Variants in PCDH15 observed in about 807,000 individuals in gnomAD.
The protein encoded by PCDH15 is protocadherin-15.
A neutral mutation model predicts 178.5 loss-of-function variants in PCDH15; 129 were observed. The observed-to-expected ratio is 0.72, with a 90% CI of 0.63 to 0.84. The LOEUF (loss-of-function observed/expected upper bound fraction) is 0.84. Among genes scored for constraint, PCDH15 ranks in the 40% least tolerant of loss-of-function variants. PCDH15 has a pLI of 0.00. For synonymous variants in PCDH15, 800 were observed against 732.0 expected (o/e 1.09, Z -1.50); for missense variants, 2,230 against 2,099.9 (o/e 1.06, Z -1.21).
At chr10:53,986,312 C>T (rs929150593) in intron 21 of PCDH15, among the ~76,000 whole-genome samples, 10 of 152,212 alleles carry the variant, frequency 6.6e-5, no homozygotes, top group African/African-American at 2.4e-4. Flanking sequence ...TTATTTAAAA[C>T]AAATTTTTTT....
intron 1 of PCDH15, among the ~76,000 whole-genome samples, chr10:55,283,632 G>T (rs1423581358): frequency 6.6e-6 from 1 of 150,388 alleles, no homozygotes; most frequent in Non-Finnish European, 1.5e-5. Flanking sequence ...TTTCTATCCA[G>T]TCACTATTAA....
intron 9 of PCDH15, among the ~76,000 whole-genome samples, chr10:54,218,944 G>C (rs2052408694): frequency 6.6e-6 from 1 of 151,900 alleles, no homozygotes; most frequent in Non-Finnish European, 1.5e-5. Context: ...AATGGAAAGA[G>C]AACCACTGTA....
intron 1 of PCDH15, among the ~76,000 whole-genome samples, chr10:55,274,264 T>G (rs1842526389): frequency 6.6e-6 from 1 of 152,068 alleles, no homozygotes; most frequent in African/African-American, 2.4e-5. Flanking sequence ...CACAGGTGAT[T>G]ATGATGCATG....
At chr10:54,521,913 C>G (rs1056832777) in intron 3 of PCDH15, among the ~76,000 whole-genome samples, 2 of 151,726 alleles carry the variant, frequency 1.3e-5, no homozygotes, top group African/African-American at 4.8e-5. Flanking sequence ...CACGGTGGAA[C>G]CCCATCTCTA....
chr10:53,965,447 T>C (rs2593136), intron 21 of PCDH15, among the ~76,000 whole-genome samples: 107,839 of 152,150 alleles, frequency 0.71, 38,578 homozygotes, highest in East Asian at 0.87. Context: ...AAGTTATTAA[T>C]TGAACAAACT....
At chr10:55,421,774 T>C (rs1307725148) in intron 2 of PCDH15, among the ~76,000 whole-genome samples, 2 of 151,398 alleles carry the variant, frequency 1.3e-5, no homozygotes, top group East Asian at 3.9e-4. Context: ...TTGTGAATCA[T>C]ATTTTCTGAC....
chr10:54,286,430 C>T (rs1489662731), intron 8 of PCDH15, among the ~76,000 whole-genome samples: 1 of 151,822 alleles, frequency 6.6e-6, no homozygotes, highest in Non-Finnish European at 1.5e-5. Context: ...TGCCAAAAGT[C>T]AAATTCTACA....
chr10:54,926,875 T>C (rs1390957218), intron 2 of PCDH15, among the ~76,000 whole-genome samples: 3 of 152,082 alleles, frequency 2.0e-5, no homozygotes, highest in African/African-American at 7.2e-5. Context: ...ATATCTACTT[T>C]ATTAAATTTA....
At chr10:54,144,018 G>A (rs984890105) in intron 14 of PCDH15, among the ~76,000 whole-genome samples, 1 of 152,120 alleles carries the variant, frequency 6.6e-6, no homozygotes, top group Admixed American at 6.6e-5. Context: ...ATCAGGCTAA[G>A]TATATGGGCC....
chr10:53,828,011 G>T (rs2132587447), intron 31 of PCDH15, among the ~76,000 whole-genome samples: 1 of 151,914 alleles, frequency 6.6e-6, no homozygotes, highest in East Asian at 1.9e-4. Context: ...CATGTACAAG[G>T]GAAATTTGGT....
chr10:54,465,866 A>G (rs1578670), intron 3 of PCDH15, among the ~76,000 whole-genome samples: 61 of 152,134 alleles, frequency 4.0e-4, no homozygotes, highest in African/African-American at 1.4e-3. Context: ...CCAACAGTGT[A>G]TAAGAGTTCT....
At chr10:54,058,976 G>C (rs1237194127) in intron 18 of PCDH15, among the ~76,000 whole-genome samples, 1 of 152,078 alleles carries the variant, frequency 6.6e-6, no homozygotes, top group Non-Finnish European at 1.5e-5. Context: ...TTACAGGCAT[G>C]AGCCACCACA....
chr10:54,271,596 G>T (rs559688398), intron 8 of PCDH15, among the ~76,000 whole-genome samples: 1 of 152,206 alleles, frequency 6.6e-6, no homozygotes, highest in Admixed American at 6.5e-5. Flanking sequence ...ATAGGCACAA[G>T]ATTTTGTTTT....
chr10:53,875,720 G>A (rs1264828368), intron 26 of PCDH15, among the ~76,000 whole-genome samples: 1 of 152,042 alleles, frequency 6.6e-6, no homozygotes, highest in Non-Finnish European at 1.5e-5. Flanking sequence ...TTAGATACAG[G>A]AAACCACTTA....
rs367858635 is a variant in PCDH15, at chr10:54,618,621, C to A, written c.91+45551G>T. On this transcript the variant is annotated intron_variant, in intron 2 of 37. Transcript: ENST00000644397. ...ATAGTAATCTCTGTATGTAAATAGA[C>A]ATACATATTCTACTAACAGATTTGT... 8.5e-5 allele frequency among the ~76,000 whole-genome samples: 13 copies of A among 152,102 alleles called. No homozygotes were observed. The East Asian group carries it at 9.7e-4, about 11-fold the overall frequency.
chr10:53,959,904 A>G, intron 22 of PCDH15, 60 bp from the exon 23 acceptor site: 2 of 1,245,856 alleles, frequency 1.6e-6, no homozygotes, highest in South Asian at 1.2e-5. Context: ...TAACAGCACA[A>G]TTTTTATATG....
chr10:54,082,807 T>C lies in PCDH15; in HGVS notation c.1998-3383A>G, dbSNP rs139297761. Among the ~76,000 whole-genome samples, 1,049 of 149,372 alleles carry C rather than the reference T, an allele frequency of 7.0e-3. 10 individuals are homozygous for C. The highest frequency in any genetic ancestry group is 0.024 in the African/African-American group (1,000 of 40,936). ...GCATCAAGGGACATTATCGAGAAAG[T>C]AAAAAAAACAACGCATATAACTGGA... On this transcript the variant is annotated intron_variant, in intron 16 of 37. Transcript: ENST00000644397.
At chr10:53,965,590 A>G (rs1488787432) in intron 21 of PCDH15, among the ~76,000 whole-genome samples, 1 of 152,192 alleles carries the variant, frequency 6.6e-6, no homozygotes, top group African/African-American at 2.4e-5. Context: ...TGGCAAAGAT[A>G]CTATAGAATT....
At position 54,899,724 on chromosome 10, in the gene PCDH15, T is replaced by C. The variant is rs140040201; in HGVS notation, c.-79-2224A>G. 3.3e-5 allele frequency among the ~76,000 whole-genome samples: 5 copies of C among 152,240 alleles called. No homozygotes were observed. In the East Asian group the frequency reaches 7.7e-4, roughly 24 times the overall value. On this transcript the variant is annotated intron_variant, in intron 2 of 5. Coordinates refer to the PCDH15 transcript ENST00000458638. ...ATTAGCTAGGATGGTCTCGAACTTC[T>C]GACGTTGTGATCCGTCCACCTCGGC...
Sources: gnomAD v4.1 joint callset for allele counts (sites outside exome capture counted in the v4.1 genomes callset) on GRCh38, gnomAD v4.1.1 for gene constraint, MANE v1.5 for transcripts, NCBI Gene and HGNC (gene_info 2026-07-23, HGNC 2026-07-21) for gene names.